Variants in NR3C1 observed in about 807,000 individuals in gnomAD.
NR3C1 encodes glucocorticoid receptor.
Under a neutral mutation model 74.0 loss-of-function variants are expected in NR3C1, and 14 were observed. The observed-to-expected ratio is 0.19, with a 90% CI of 0.12 to 0.30. NR3C1 has a LOEUF of 0.30. Ranked by LOEUF, NR3C1 falls within the 10% of genes least tolerant of loss-of-function variation. NR3C1 has a pLI of 1.00. For missense variants in NR3C1, 695 were observed against 909.8 expected, an observed-to-expected ratio of 0.76 and a Z score of 3.04; for synonymous variants, 308 against 332.5, an observed-to-expected ratio of 0.93 and a Z score of 0.80.
intron 3 of NR3C1, among the ~76,000 whole-genome samples, chr5:143,312,478 CA>C (rs1222605182): frequency 1.3e-5 from 2 of 151,962 alleles, no homozygotes; most frequent in Non-Finnish European, 1.5e-5. Context: ...TGATTAGAGT[CA>C]AAAGTAAAGC....
chr5:143,366,688 A>T (rs1833268309), intron 2 of NR3C1, among the ~76,000 whole-genome samples: 1 of 152,210 alleles, frequency 6.6e-6, no homozygotes, highest in African/African-American at 2.4e-5. Flanking sequence ...ATGAATAATT[A>T]TACACTAACC....
chr5:143,361,297 T>A (rs1224336275), intron 2 of NR3C1, among the ~76,000 whole-genome samples: 1 of 152,176 alleles, frequency 6.6e-6, no homozygotes, highest in African/African-American at 2.4e-5. Flanking sequence ...TAAATTTTAA[T>A]AAAATTAAAA....
At chr5:143,332,478 T>C (rs1826183755) in intron 2 of NR3C1, 2 of 541,906 alleles carry the variant, frequency 3.7e-6, no homozygotes, top group Middle Eastern at 4.9e-4. Flanking sequence ...GATGAGTTGA[T>C]AGGTACAGCA....
chr5:143,319,990 A>G (rs1823003542), intron 2 of NR3C1, among the ~76,000 whole-genome samples: 1 of 152,188 alleles, frequency 6.6e-6, no homozygotes, highest in Non-Finnish European at 1.5e-5. Flanking sequence ...TTGAGCCAGT[A>G]ATTTCTTTTT....
chr5:143,389,831 G>T, intron 2 of NR3C1: 2 of 442,212 alleles, frequency 4.5e-6, no homozygotes, highest in South Asian at 9.6e-5. Flanking sequence ...AGAGGTTCAA[G>T]GCAAATAAAG....
intron 1 of NR3C1, among the ~76,000 whole-genome samples, chr5:143,433,244 A>G (rs907036203): frequency 9.9e-5 from 15 of 151,978 alleles, no homozygotes; most frequent in Non-Finnish European, 8.8e-5. Context: ...TGTGCTGCCT[A>G]AAGTTCACAG....
At chr5:143,348,481 T>A (rs1344201379) in intron 2 of NR3C1, among the ~76,000 whole-genome samples, 2 of 152,208 alleles carry the variant, frequency 1.3e-5, no homozygotes, top group Admixed American at 6.5e-5. Context: ...TCGACTGATA[T>A]GCATGTTCCC....
At chr5:143,412,667 A>G (rs1303276802) in intron 1 of NR3C1, among the ~76,000 whole-genome samples, 6 of 152,166 alleles carry the variant, frequency 3.9e-5, no homozygotes, top group South Asian at 4.1e-4. Context: ...CCTACAATCT[A>G]TATTCCACAT....
Position 143,331,733 on chromosome 5 carries a change from T to C in NR3C1, c.1185-17565A>G, listed in dbSNP as rs535434459. On this transcript the variant is annotated intron_variant, in intron 2 of 8. Transcript: ENST00000394464. ...CTCAGTTATAACTAGGAACTAAACA[T>C]TGAGTACACAGGGACACAAAGAAGG... 1.6e-4 allele frequency among the ~76,000 whole-genome samples: 25 copies of C among 152,180 alleles called. 2 individuals carry two copies. The South Asian group carries it at 3.9e-3, about 24-fold the overall frequency.
intron 2 of NR3C1, among the ~76,000 whole-genome samples, chr5:143,392,040 A>G (rs1248709034): frequency 6.6e-6 from 1 of 151,346 alleles, no homozygotes; most frequent in East Asian, 1.9e-4. Context: ...ACCTCGGCTC[A>G]CTGCAAGCTC....
At chr5:143,408,885 A>G (rs1163975738) in intron 1 of NR3C1, 1 of 152,236 alleles carries the variant, frequency 6.6e-6, no homozygotes, top group African/African-American at 2.4e-5. Flanking sequence ...CCAGTCTTTT[A>G]AAATTGTCTT....
At chr5:143,364,184 T>G (rs1288269302) in intron 2 of NR3C1, among the ~76,000 whole-genome samples, 1 of 152,130 alleles carries the variant, frequency 6.6e-6, no homozygotes, top group African/African-American at 2.4e-5. Flanking sequence ...TCAATAAGAT[T>G]AACAGTTGAT....
At chr5:143,345,519 A>T (rs2963149) in intron 2 of NR3C1, among the ~76,000 whole-genome samples, 43,802 of 152,102 alleles carry the variant, frequency 0.29, 6,573 homozygotes, top group Non-Finnish European at 0.32. Context: ...CTACAAATTA[A>T]TATAAAATGA....
Position 143,400,386 on chromosome 5 carries a change from T to C in NR3C1, c.454A>G (p.Thr152Ala). ...SASTAVSAAP[T>A]EKEFPKTHSD... ...TGAGTTTTTGGAAACTCCTTCTCTGTGGGGGCAGCAGACACAGCAGTGGAT... is the reference window on the plus strand; with the variant it reads ...TGAGTTTTTGGAAACTCCTTCTCTGCGGGGGCAGCAGACACAGCAGTGGAT... The change falls in exon 2 of 9, where the codon ACA (threonine) becomes GCA (alanine). Residue 152 changes from threonine (T) to alanine (A), a missense_variant. Physicochemically the swap from Thr to Ala is moderately conservative, Grantham distance 58 (BLOSUM62 0). Coordinates refer to ENST00000394464, the MANE Select transcript of NR3C1 (RefSeq NM_000176.3). 6.2e-7 allele frequency: 1 copy of C among 1,614,190 alleles called. No homozygotes were observed.
intron 2 of NR3C1, among the ~76,000 whole-genome samples, chr5:143,384,760 A>G (rs1028115405): frequency 6.6e-6 from 1 of 152,192 alleles, no homozygotes; most frequent in African/African-American, 2.4e-5. Flanking sequence ...TTCACAGGCT[A>G]GCATTGAGTG....
intron 4 of NR3C1, among the ~76,000 whole-genome samples, chr5:143,301,092 T>A (rs1818394709): frequency 6.6e-6 from 1 of 152,138 alleles, no homozygotes; most frequent in Non-Finnish European, 1.5e-5. Context: ...ATTATTTTTT[T>A]ATCTCACTTT....
intron 7 of NR3C1, among the ~76,000 whole-genome samples, chr5:143,286,763 CCTAA>C (rs1392856056): frequency 1.3e-5 from 2 of 151,550 alleles, no homozygotes; most frequent in Admixed American, 6.6e-5. Context: ...ATCAACTTGA[CCTAA>C]CTGACGTTCA....
chr5:143,407,753 G>A (rs1220822810), upstream of NR3C1, among the ~76,000 whole-genome samples: 1 of 152,172 alleles, frequency 6.6e-6, no homozygotes, highest in African/African-American at 2.4e-5. Flanking sequence ...TTCTCTTCAT[G>A]TTTTGTCATC....
chr5:143,364,802 C>T (rs139444535), intron 2 of NR3C1, among the ~76,000 whole-genome samples: 43 of 152,178 alleles, frequency 2.8e-4, no homozygotes, highest in Admixed American at 2.4e-3. Flanking sequence ...ACCTCCTGGG[C>T]TCAAGCTATC....
Sources: allele counts gnomAD v4.1 joint callset (sites outside exome capture counted in the v4.1 genomes callset), GRCh38; gene constraint gnomAD v4.1.1; transcripts MANE v1.5; gene names NCBI Gene and HGNC (gene_info 2026-07-23, HGNC 2026-07-21).